Variants in CEP128 observed in about 807,000 individuals in gnomAD.
The protein encoded by CEP128 is centrosomal protein 128.
A neutral mutation model predicts 156.7 loss-of-function variants in CEP128; 132 were observed. That is an observed-to-expected ratio of 0.84 (90% CI 0.73 to 0.97). The LOEUF is 0.97. CEP128 is among the 50% of genes least tolerant of loss of function. CEP128 has a pLI of 0.00. For missense variants in CEP128, 1,252 were observed against 1,281.9 expected (o/e 0.98, Z 0.36); for synonymous variants, 469 against 448.9 (o/e 1.04, Z -0.57).
At chr14:80,891,585 CA>C (rs34380899) in intron 8 of CEP128, among the ~76,000 whole-genome samples, 29,608 of 96,988 alleles carry the variant, frequency 0.31, 2,801 homozygotes, top group East Asian at 0.53. Context: ...TTACTAGGTG[CA>C]AAAAAAAAAA....
chr14:80,812,621 T>A (rs1380983048), intron 13 of CEP128, among the ~76,000 whole-genome samples: 3 of 152,126 alleles, frequency 2.0e-5, no homozygotes, highest in African/African-American at 7.2e-5. Flanking sequence ...CAGGCTGGAG[T>A]GCAATGGCAC....
intron 2 of CEP128, among the ~76,000 whole-genome samples, chr14:80,933,929 G>C (rs1566724669): frequency 6.6e-6 from 1 of 152,178 alleles, no homozygotes; most frequent in East Asian, 1.9e-4. Context: ...TTATGTGTGG[G>C]AAATAAGCCT....
At chr14:80,562,056 T>C (rs1015254429) in intron 20 of CEP128, among the ~76,000 whole-genome samples, 2 of 151,084 alleles carry the variant, frequency 1.3e-5, no homozygotes, top group African/African-American at 4.9e-5. Context: ...GCCTCCCAAG[T>C]AGCTGGAACT....
At position 80,783,446 on chromosome 14, in the gene CEP128, C is replaced by G. The variant is rs529050381; in HGVS notation, c.2211+1449G>C. 2.0e-5 allele frequency among the ~76,000 whole-genome samples: 3 copies of G among 152,246 alleles called. No homozygotes were observed. The East Asian group carries it at 5.8e-4, about 29-fold the overall frequency. Reference sequence around the variant, plus strand: ...TTGCTTCATCAGGGAGAAAATAATACCACACAATCTGCAAGGTGAGGTGGG... The same window carrying G: ...TTGCTTCATCAGGGAGAAAATAATAGCACACAATCTGCAAGGTGAGGTGGG... On this transcript the variant is annotated intron_variant, in intron 15 of 24. Coordinates refer to ENST00000555265, the MANE Select transcript of CEP128 (RefSeq NM_152446.5).
chr14:80,655,807 A>G (rs948622319), intron 19 of CEP128, among the ~76,000 whole-genome samples: 2 of 152,220 alleles, frequency 1.3e-5, no homozygotes, highest in African/African-American at 4.8e-5. Flanking sequence ...AATGGAAAAG[A>G]GATAAAGCCA....
intron 19 of CEP128, among the ~76,000 whole-genome samples, chr14:80,590,073 T>C (rs935676160): frequency 1.3e-5 from 2 of 151,978 alleles, no homozygotes; most frequent in South Asian, 2.1e-4. Flanking sequence ...ACCCAGTGAG[T>C]AGGCAGTAAT....
intron 19 of CEP128, among the ~76,000 whole-genome samples, chr14:80,596,229 A>G (rs1892312955): frequency 6.6e-6 from 1 of 152,164 alleles, no homozygotes; most frequent in South Asian, 2.1e-4. Flanking sequence ...ATGTTATGCT[A>G]TCTACAGAAA....
chr14:80,738,962 A>G (rs1898672449), intron 19 of CEP128, among the ~76,000 whole-genome samples: 1 of 152,218 alleles, frequency 6.6e-6, no homozygotes, highest in African/African-American at 2.4e-5. Flanking sequence ...GATATACATC[A>G]TATGACAAGC....
Position 80,548,749 on chromosome 14 carries a change from A to T in CEP128, c.2880+10530T>A, listed in dbSNP as rs977137889. ...GGCAGTATGACTACTTATCGGCATC[A>T]AATACGACACTGTCAGTCTGACCTC... On this transcript the variant is annotated intron_variant, in intron 21 of 24. Coordinates refer to ENST00000555265, the MANE Select transcript of CEP128 (RefSeq NM_152446.5). Among the ~76,000 whole-genome samples, 5 of 152,216 alleles carry T rather than the reference A, an allele frequency of 3.3e-5. No individual in the cohort carries two copies. In the East Asian group the frequency reaches 9.6e-4, roughly 29 times the overall value.
In CEP128 at chr14:80,554,746, G is replaced by A. The variant is rs1025596117; in HGVS notation, c.2880+4533C>T. ...TGGTCTTTTTTATTATGATTCGTTG[G>A]TCAAATAACAGACTTTACTTTGTTA... is the stretch of plus-strand genomic sequence containing the variant. On this transcript the variant is annotated intron_variant, in intron 21 of 24. Transcript: ENST00000555265. Among the ~76,000 whole-genome samples the A allele has an allele frequency of 2.4e-4, 37 of 151,582 alleles. No individual in the cohort carries two copies. In the East Asian group the frequency reaches 6.6e-3, roughly 27 times the overall value.
chr14:80,895,798 G>GAA lies in CEP128; in HGVS notation c.573-10_573-9dup, dbSNP rs397973196. 7.9e-3 allele frequency: 9,804 copies of GAA among 1,245,638 alleles called. 114 individuals carry two copies. Among genetic ancestry groups the GAA allele is most frequent in the African/African-American group, 0.015 (908 of 61,648 alleles). 77.2% of individuals were successfully genotyped at this position (1,245,638 alleles called of 1,614,324 possible). On this transcript the variant is annotated splice_polypyrimidine_tract_variant and intron_variant, in intron 7 of 24. Transcript: ENST00000555265. Reference sequence around the variant, plus strand: ...TTTGTTTCGGCATCTGACCTAGGAAGAAAAAAAAAAAAAAGATTTAAATTT... The same window carrying GAA: ...TTTGTTTCGGCATCTGACCTAGGAAGAAAAAAAAAAAAAAAAGATTTAAATTT...
chr14:80,837,444 C>T (rs989113817), intron 11 of CEP128, among the ~76,000 whole-genome samples: 3 of 150,808 alleles, frequency 2.0e-5, no homozygotes, highest in Non-Finnish European at 4.4e-5. Flanking sequence ...ATCGGCCGGG[C>T]GTGGTGGCTC....
intron 8 of CEP128, among the ~76,000 whole-genome samples, chr14:80,865,056 CT>C (rs1887702568): frequency 6.6e-6 from 1 of 152,182 alleles, no homozygotes; most frequent in Non-Finnish European, 1.5e-5. Flanking sequence ...AAACTTTGTA[CT>C]ACATATCCCC....
intron 14 of CEP128, among the ~76,000 whole-genome samples, chr14:80,786,215 A>T (rs1336399829): frequency 6.6e-6 from 1 of 152,188 alleles, no homozygotes; most frequent in Admixed American, 6.5e-5. Flanking sequence ...ACATGGAAGG[A>T]CAGAGGCCAA....
At chr14:80,805,236 T>C (rs1884108873) in intron 13 of CEP128, among the ~76,000 whole-genome samples, 1 of 152,008 alleles carries the variant, frequency 6.6e-6, no homozygotes, top group Admixed American at 6.6e-5. Context: ...TTAGATGCAA[T>C]GTTTAGAGAT....
chr14:80,564,935 T>A (rs1890848135), intron 20 of CEP128, among the ~76,000 whole-genome samples: 1 of 152,100 alleles, frequency 6.6e-6, no homozygotes, highest in African/African-American at 2.4e-5. Context: ...GGCAGGCACC[T>A]GTAATCCCAG....
chr14:80,516,186 A>G (rs773928570), intron 23 of CEP128, among the ~76,000 whole-genome samples: 25 of 152,072 alleles, frequency 1.6e-4, no homozygotes, highest in Non-Finnish European at 3.5e-4. Context: ...CAGGTGATAA[A>G]TCTTGTCATG....
intron 6 of CEP128, among the ~76,000 whole-genome samples, chr14:80,904,048 T>C (rs763634124): frequency 3.9e-5 from 6 of 152,180 alleles, no homozygotes; most frequent in Non-Finnish European, 8.8e-5. Context: ...CTCATGTTCA[T>C]TGCAGCATTA....
intron 19 of CEP128, among the ~76,000 whole-genome samples, chr14:80,697,585 AT>A (rs1896932328): frequency 6.6e-6 from 1 of 151,222 alleles, no homozygotes; most frequent in South Asian, 2.1e-4. Flanking sequence ...CTATATGTAC[AT>A]TTTGTTTTTA....
Sources: gnomAD v4.1 joint callset for allele counts (sites outside exome capture counted in the v4.1 genomes callset) on GRCh38, gnomAD v4.1.1 for gene constraint, MANE v1.5 for transcripts, NCBI Gene and HGNC (gene_info 2026-07-23, HGNC 2026-07-21) for gene names.